NLRP5: variants seen among roughly 807,000 people sequenced by gnomAD.
The protein encoded by NLRP5 is NLR family pyrin domain containing 5.
Under a neutral mutation model 113.1 loss-of-function variants are expected in NLRP5, and 93 were observed. The observed-to-expected ratio is 0.82, with a 90% CI of 0.70 to 0.98. NLRP5 has a LOEUF of 0.98. Among genes scored for constraint, NLRP5 ranks in the 50% least tolerant of loss-of-function variants. The pLI is 0.00. For synonymous variants in NLRP5, 751 were observed against 600.7 expected, an observed-to-expected ratio of 1.25 and a Z score of -3.66; for missense variants, 1,808 against 1,514.3, an observed-to-expected ratio of 1.19 and a Z score of -3.22.
At chr19:56,017,227 C>A (rs1982441597) in intron 4 of NLRP5, among the ~76,000 whole-genome samples, 1 of 151,994 alleles carries the variant, frequency 6.6e-6, no homozygotes, top group African/African-American at 2.4e-5. Flanking sequence ...CAATTTTGTT[C>A]TTTTCAAAGA....
chr19:56,004,224 A>G (rs1367901804), intron 2 of NLRP5, 129 bp downstream of exon 2: 2 of 984,692 alleles, frequency 2.0e-6, no homozygotes, highest in African/African-American at 3.2e-5. Context: ...TGTGAGAAGG[A>G]TCCTATTGGT....
At chr19:55,996,101 ACTT>A (rs1486864416), upstream of NLRP5, among the ~76,000 whole-genome samples, 9 of 152,116 alleles carry the variant, frequency 5.9e-5, no homozygotes, top group African/African-American at 1.7e-4. Flanking sequence ...TGAACAATCT[ACTT>A]CTTCTCCAAT....
At chr19:55,999,526 C>T (rs563501414), upstream of NLRP5, among the ~76,000 whole-genome samples, 2 of 152,184 alleles carry the variant, frequency 1.3e-5, no homozygotes, top group African/African-American at 2.4e-5. Context: ...CTGCTCAGGA[C>T]GTCTCGGTCT....
In NLRP5 at chr19:56,008,839, A is replaced by T. The variant is rs770795511; in HGVS notation, c.494A>T (p.Lys165Met). ...ACGATGACTGACCAAGGACCAAGCA[A>T]GGAAAAAGTGCCAGGTTAGAGGGGT... Residue 165 changes from lysine to methionine, a missense_variant, in exon 3 of 15, where the codon AAG (lysine) becomes ATG (methionine). Lys to Met is a moderately conservative substitution (Grantham distance 95). Transcript: ENST00000390649. 1.9e-6 allele frequency: 3 copies of T among 1,612,600 alleles called. No individual in the cohort carries two copies. Among genetic ancestry groups the T allele is most frequent in the Non-Finnish European group, 2.5e-6 (3 of 1,179,336 alleles).
At chr19:56,024,438 CAT>C (rs1982746826) in intron 6 of NLRP5, among the ~76,000 whole-genome samples, 1 of 141,100 alleles carries the variant, frequency 7.1e-6, no homozygotes, top group African/African-American at 2.7e-5. Flanking sequence ...TACACATATA[CAT>C]ATATTTATAT....
the NLRP5 span, among the ~76,000 whole-genome samples, chr19:55,990,250 G>A: frequency 4.7e-4 from 71 of 151,480 alleles, no homozygotes; most frequent in African/African-American, 1.7e-3. Flanking sequence ...CACGATGCCC[G>A]GCTAATTTGT....
At chr19:56,046,500 TTCTC>T (rs918327389) in intron 11 of NLRP5, among the ~76,000 whole-genome samples, 2 of 151,956 alleles carry the variant, frequency 1.3e-5, no homozygotes, top group Admixed American at 6.6e-5. Flanking sequence ...GGTTCCTTCT[TTCTC>T]TATCTTGTGG....
At position 56,015,885 on chromosome 19, in the gene NLRP5, C is replaced by T. The variant is rs1184140274; in HGVS notation, c.565+87C>T. ...CATGTAGTTCAAAGGACGGGGAAAT[C>T]CACTTTCCCTTTCTTCATCCTCATT... On this transcript the variant is annotated intron_variant, in intron 4 of 14. Coordinates refer to ENST00000390649, the MANE Select transcript of NLRP5 (RefSeq NM_153447.4). 3 of 965,878 alleles carry T rather than the reference C, an allele frequency of 3.1e-6. No individual in the cohort carries two copies. The East Asian group carries it at 8.5e-5, about 27-fold the overall frequency. 59.8% of individuals were successfully genotyped at this position (965,878 alleles called of 1,614,324 possible).
intron 2 of NLRP5, among the ~76,000 whole-genome samples, chr19:56,004,938 C>G (rs755942621): frequency 3.3e-5 from 5 of 151,298 alleles, no homozygotes; most frequent in Non-Finnish European, 7.4e-5. Context: ...ACTAGAAATA[C>G]AAAAAATTAG....
Position 56,027,711 on chromosome 19 carries a change from C to T in NLRP5, c.1478C>T (p.Pro493Leu), listed in dbSNP as rs758600347. 6.8e-6 allele frequency: 11 copies of T among 1,613,590 alleles called. No individual in the cohort carries two copies. Among genetic ancestry groups the T allele is most frequent in the African/African-American group, 1.3e-5 (1 of 75,012 alleles). Residue 493 changes from proline to leucine, a missense_variant, in exon 7 of 15, where the codon CCC becomes CTC. By Grantham distance (98) the Pro-to-Leu change is moderately conservative. Transcript: ENST00000390649. ...GACGTGGTGGGGGAGAGCGTCGCCC[C>T]CTTCAACCAAACGCTCACAGGCCTG...
At chr19:55,999,846 C>A (rs1337135940) in intron 1 of NLRP5, 2 of 1,298,668 alleles carry the variant, frequency 1.5e-6, no homozygotes, top group Non-Finnish European at 2.2e-6. Context: ...GGTACCATGA[C>A]ACACGGATCG....
Position 56,033,565 on chromosome 19 carries a change from C to G in NLRP5, c.2471C>G (p.Pro824Arg). The G allele has an allele frequency of 2.5e-6, 4 of 1,613,706 alleles. No individual in the cohort carries two copies. The highest frequency in any genetic ancestry group is 3.4e-6 in the Non-Finnish European group (4 of 1,179,662). ...AGGTTTAGAAATGCACAGATTACCCCTGGTGTGCAGCACCTCTGGAGAATC... is the reference window on the plus strand; with the variant it reads ...AGGTTTAGAAATGCACAGATTACCCGTGGTGTGCAGCACCTCTGGAGAATC... The change falls in exon 9 of 15, where the codon CCT becomes CGT. Residue 824 changes from proline to arginine, a missense_variant. Coordinates refer to ENST00000390649, the MANE Select transcript of NLRP5 (RefSeq NM_153447.4).
At chr19:55,987,792 G>A in the NLRP5 span, 1 of 1,576,466 alleles carries the variant, frequency 6.3e-7, no homozygotes, top group East Asian at 2.2e-5. Flanking sequence ...TCAACCAGCA[G>A]CCTTCCTTTA....
chr19:56,040,584 TAAG>T (rs1260649381), intron 10 of NLRP5, among the ~76,000 whole-genome samples: 1 of 151,860 alleles, frequency 6.6e-6, no homozygotes, highest in Non-Finnish European at 1.5e-5. Context: ...TAAAAATAAA[TAAG>T]AAAATAAATA....
the NLRP5 span, chr19:55,987,900 A>G: frequency 6.8e-6 from 11 of 1,613,072 alleles, no homozygotes; most frequent in African/African-American, 1.3e-5. Context: ...TGCCTATCCC[A>G]GATTAATCCT....
chr19:56,016,866 T>C (rs1428236499), intron 4 of NLRP5, among the ~76,000 whole-genome samples: 1 of 152,192 alleles, frequency 6.6e-6, no homozygotes, highest in Non-Finnish European at 1.5e-5. Context: ...TGGGGTGCAG[T>C]GGCGCGATCT....
the NLRP5 span, among the ~76,000 whole-genome samples, chr19:55,993,364 C>T: frequency 7.8e-6 from 1 of 128,820 alleles, no homozygotes; most frequent in Admixed American, 7.9e-5. Context: ...CACCCATGAG[C>T]CATACTCTCC....
chr19:55,995,745 C>A (rs1325037712), upstream of NLRP5, among the ~76,000 whole-genome samples: 2 of 152,010 alleles, frequency 1.3e-5, no homozygotes, highest in Non-Finnish European at 2.9e-5. Flanking sequence ...TTTATCTATC[C>A]TCTTCAATTT....
intron 1 of NLRP5, chr19:55,999,805 G>A: frequency 6.2e-7 from 1 of 1,603,012 alleles, no homozygotes; most frequent in Non-Finnish European, 8.5e-7. Flanking sequence ...GCCTCTTAGA[G>A]TTACCTATGA....
Sources: gnomAD v4.1 joint callset for allele counts (sites outside exome capture counted in the v4.1 genomes callset) on GRCh38, gnomAD v4.1.1 for gene constraint, MANE v1.5 for transcripts, NCBI Gene and HGNC (gene_info 2026-07-23, HGNC 2026-07-21) for gene names.